The following FGF14 variants were observed in gnomAD, a reference collection of about 807,000 sequenced individuals.
FGF14 encodes the protein fibroblast growth factor homologous factor 4.
FGF14 carries 5 observed loss-of-function variants against 25.5 expected under a neutral mutation model. The observed-to-expected ratio is 0.20, with a 90% CI of 0.10 to 0.41. The LOEUF (loss-of-function observed/expected upper bound fraction) is 0.41. Ranked by LOEUF, FGF14 falls within the 10% of genes least tolerant of loss-of-function variation. FGF14 has a pLI of 1.00. For missense variants in FGF14, 222 were observed against 320.1 expected (o/e 0.69, Z 2.34); for synonymous variants, 138 against 118.3 (o/e 1.17, Z -1.08).
intron 1 of FGF14, among the ~76,000 whole-genome samples, chr13:102,261,432 A>G (rs1194289725): frequency 6.6e-6 from 1 of 152,230 alleles, no homozygotes; most frequent in Non-Finnish European, 1.5e-5. Flanking sequence ...GCATCTTTAA[A>G]GAATTATAAA....
chr13:102,092,031 C>T (rs1461262889), intron 1 of FGF14, among the ~76,000 whole-genome samples: 3 of 152,156 alleles, frequency 2.0e-5, no homozygotes. Context: ...ATAAATGCAA[C>T]AGCTACTGGT....
intron 3 of FGF14, among the ~76,000 whole-genome samples, chr13:101,834,348 G>A (rs952484954): frequency 4.6e-5 from 7 of 151,980 alleles, no homozygotes; most frequent in Non-Finnish European, 8.8e-5. Flanking sequence ...TTTCACAAAC[G>A]AAATGACACA....
chr13:101,930,813 CCA>C (rs1341306003), intron 1 of FGF14, among the ~76,000 whole-genome samples: 1 of 152,110 alleles, frequency 6.6e-6, no homozygotes, highest in Non-Finnish European at 1.5e-5. Context: ...TTTGTTAAAT[CCA>C]CATTTATTCT....
chr13:101,972,208 G>T (rs2037640151), intron 1 of FGF14, among the ~76,000 whole-genome samples: 1 of 152,170 alleles, frequency 6.6e-6, no homozygotes, highest in African/African-American at 2.4e-5. Flanking sequence ...CTTTAGTGAG[G>T]ACAGCACGTA....
At chr13:102,156,852 T>G (rs1219035593) in intron 1 of FGF14, among the ~76,000 whole-genome samples, 2 of 152,156 alleles carry the variant, frequency 1.3e-5, no homozygotes, top group East Asian at 3.8e-4. Flanking sequence ...TCACAAGCAT[T>G]CTTATACACC....
At position 101,912,726 on chromosome 13, in the gene FGF14, T is replaced by G. The variant is rs1202311907; in HGVS notation, c.193+3727A>C. On this transcript the variant is annotated intron_variant, in intron 1 of 4. Coordinates refer to ENST00000376143, the MANE Select transcript of FGF14 (RefSeq NM_004115.4). ...CCTCTAATTCTCTTAAAAAAAGATA[T>G]AATTATATTTATTTAGGGAAAGTAA... Among the ~76,000 whole-genome samples, 3 of 152,160 alleles carry G rather than the reference T, an allele frequency of 2.0e-5. No individual in the cohort carries two copies. In the East Asian group the frequency reaches 5.8e-4, roughly 29 times the overall value.
intron 3 of FGF14, among the ~76,000 whole-genome samples, chr13:101,786,803 G>A (rs1404271192): frequency 6.6e-6 from 1 of 152,118 alleles, no homozygotes; most frequent in East Asian, 1.9e-4. Context: ...TCTGATTCTT[G>A]TGTATTCTCT....
At chr13:101,734,519 T>G (rs986017675) in intron 3 of FGF14, among the ~76,000 whole-genome samples, 3 of 152,156 alleles carry the variant, frequency 2.0e-5, no homozygotes, top group Non-Finnish European at 4.4e-5. Flanking sequence ...ATGGCACCAG[T>G]GCTATAAATA....
At chr13:102,082,404 A>C (rs2043668195) in intron 1 of FGF14, among the ~76,000 whole-genome samples, 1 of 152,208 alleles carries the variant, frequency 6.6e-6, no homozygotes, top group South Asian at 2.1e-4. Context: ...GCATTCTCCA[A>C]ATGACTTTAA....
chr13:102,022,002 G>A (rs573319560), intron 1 of FGF14, among the ~76,000 whole-genome samples: 4 of 151,998 alleles, frequency 2.6e-5, no homozygotes, highest in Non-Finnish European at 5.9e-5. Context: ...CATGATTCAC[G>A]GGGACTCCCC....
At chr13:102,312,853 C>A (rs1310842120) in intron 1 of FGF14, among the ~76,000 whole-genome samples, 1 of 152,192 alleles carries the variant, frequency 6.6e-6, no homozygotes, top group Admixed American at 6.5e-5. Context: ...GCTCTTCCAT[C>A]GAAGCCCTAC....
intron 1 of FGF14, among the ~76,000 whole-genome samples, chr13:101,999,264 G>T (rs940409971): frequency 2.6e-5 from 4 of 152,166 alleles, no homozygotes; most frequent in African/African-American, 9.7e-5. Context: ...ATTAAATTAT[G>T]AGTTGAATTT....
At chr13:102,182,770 C>A (rs2048727905) in intron 1 of FGF14, among the ~76,000 whole-genome samples, 1 of 152,048 alleles carries the variant, frequency 6.6e-6, no homozygotes, top group Non-Finnish European at 1.5e-5. Flanking sequence ...ACATTTCTTG[C>A]CCAATGGTTT....
intron 1 of FGF14, among the ~76,000 whole-genome samples, chr13:101,933,247 T>C (rs1171761381): frequency 6.6e-6 from 1 of 152,200 alleles, no homozygotes; most frequent in Non-Finnish European, 1.5e-5. Context: ...TTGCATGTGT[T>C]TGCAGACATT....
intron 1 of FGF14, among the ~76,000 whole-genome samples, chr13:102,295,191 A>T (rs1241258946): frequency 1.3e-5 from 2 of 152,140 alleles, no homozygotes; most frequent in African/African-American, 2.4e-5. Flanking sequence ...TTCCTCAGTT[A>T]GTTATACTTC....
chr13:102,214,892 G>C (rs74376307), intron 1 of FGF14, among the ~76,000 whole-genome samples: 2 of 152,084 alleles, frequency 1.3e-5, no homozygotes, highest in Non-Finnish European at 2.9e-5. Flanking sequence ...TGTTCTAGAC[G>C]TTCTATCTTG....
At chr13:101,973,510 C>T (rs2037739450) in intron 1 of FGF14, among the ~76,000 whole-genome samples, 1 of 152,082 alleles carries the variant, frequency 6.6e-6, no homozygotes, top group African/African-American at 2.4e-5. Flanking sequence ...AGAATTAACT[C>T]ACACGATCAC....
At chr13:101,736,131 A>G (rs1042796287) in intron 3 of FGF14, among the ~76,000 whole-genome samples, 8 of 152,206 alleles carry the variant, frequency 5.3e-5, no homozygotes, top group African/African-American at 1.7e-4. Context: ...AGGACACTTC[A>G]GACTCAGTGA....
chr13:102,040,340 A>G (rs1555344885), intron 1 of FGF14, among the ~76,000 whole-genome samples: 1 of 152,040 alleles, frequency 6.6e-6, no homozygotes, highest in Admixed American at 6.5e-5. Flanking sequence ...TTTTTCTCTT[A>G]CATCTCCAGG....
Sources: allele counts gnomAD v4.1 joint callset (sites outside exome capture counted in the v4.1 genomes callset), GRCh38; gene constraint gnomAD v4.1.1; transcripts MANE v1.5; gene names NCBI Gene and HGNC (gene_info 2026-07-23, HGNC 2026-07-21).